Variants in ROBO2 observed in about 807,000 individuals in gnomAD.
ROBO2 encodes roundabout guidance receptor 2.
A neutral mutation model predicts 160.8 loss-of-function variants in ROBO2; 53 were observed. That is an observed-to-expected ratio of 0.33 (90% CI 0.26 to 0.41). ROBO2 has a LOEUF of 0.41. ROBO2 is among the 10% of genes least tolerant of loss of function. The probability of loss-of-function intolerance (pLI) is 1.00; values close to 1 mark genes in which losing one functional copy is unlikely to be tolerated. For missense variants in ROBO2, 1,577 were observed against 1,722.4 expected (o/e 0.92, Z 1.49); for synonymous variants, 664 against 611.7 (o/e 1.09, Z -1.26).
At chr3:76,538,595 T>C (rs1251857225) in intron 2 of ROBO2, among the ~76,000 whole-genome samples, 1 of 152,164 alleles carries the variant, frequency 6.6e-6, no homozygotes, top group East Asian at 1.9e-4. Flanking sequence ...CTTTTTCAAA[T>C]TTATTTTAGA....
intron 2 of ROBO2, among the ~76,000 whole-genome samples, chr3:76,767,680 C>A (rs1037128801): frequency 1.3e-5 from 2 of 151,466 alleles, no homozygotes; most frequent in African/African-American, 4.8e-5. Context: ...TAATGCTGTA[C>A]TCTTTTTTAT....
intron 9 of ROBO2, 49 bp downstream of exon 10, chr3:77,558,198 T>C (rs752349937): frequency 4.0e-5 from 59 of 1,484,988 alleles, no homozygotes; most frequent in Non-Finnish European, 5.5e-5. Flanking sequence ...ACATAAGTAC[T>C]GCTCTATGGA....
intron 2 of ROBO2, among the ~76,000 whole-genome samples, chr3:77,227,795 C>A (rs1298903510): frequency 1.3e-5 from 2 of 152,314 alleles, no homozygotes; most frequent in South Asian, 4.2e-4. Context: ...ATTGTTCTTT[C>A]AACTGCCTTA....
At chr3:76,900,463 TC>T in intron 2 of ROBO2, among the ~76,000 whole-genome samples, 1 of 152,236 alleles carries the variant, frequency 6.6e-6, no homozygotes, top group Middle Eastern at 3.4e-3. Flanking sequence ...TTGGGCCAAA[TC>T]AATAAAAGTA....
chr3:77,626,229 T>C (rs1583365144), intron 23 of ROBO2, among the ~76,000 whole-genome samples: 1 of 152,200 alleles, frequency 6.6e-6, no homozygotes, highest in Non-Finnish European at 1.5e-5. Context: ...CTCGAAACAT[T>C]AGTCCTTTTT....
rs78231846 is a variant in ROBO2 at position 77,307,103 on chromosome 3, G to A, written c.389-170311G>A. Among the ~76,000 whole-genome samples the A allele has an allele frequency of 4.0e-3, 611 of 152,192 alleles. 1 individual carries two copies. Among genetic ancestry groups the A allele is most frequent in the East Asian group, 0.013 (68 of 5,170 alleles). ...GCAGAACATAGCTGTCTGAGAAATA[G>A]GGCACTTTCTGGTGCTTGTGATATA... On this transcript the variant is annotated intron_variant, in intron 2 of 25. Coordinates refer to ENST00000461745, the Ensembl canonical transcript of ROBO2.
intron 2 of ROBO2, among the ~76,000 whole-genome samples, chr3:76,593,871 T>C (rs1287021210): frequency 2.0e-5 from 3 of 152,000 alleles, no homozygotes; most frequent in African/African-American, 7.2e-5. Context: ...GCTATTATAA[T>C]TTTTTAAATG....
At chr3:77,092,338 T>C (rs2070405719) in intron 1 of ROBO2, among the ~76,000 whole-genome samples, 1 of 151,784 alleles carries the variant, frequency 6.6e-6, no homozygotes, top group African/African-American at 2.4e-5. Context: ...TACTTGGTGC[T>C]CCATTCATTT....
intron 2 of ROBO2, among the ~76,000 whole-genome samples, chr3:76,422,569 T>C (rs2076039829): frequency 6.6e-6 from 1 of 152,194 alleles, no homozygotes; most frequent in Non-Finnish European, 1.5e-5. Flanking sequence ...TGCATCGTCT[T>C]TTTGGAAATG....
At chr3:76,532,044 G>C (rs2082257893) in intron 2 of ROBO2, among the ~76,000 whole-genome samples, 1 of 152,098 alleles carries the variant, frequency 6.6e-6, no homozygotes, top group Non-Finnish European at 1.5e-5. Context: ...TAAGTAGAAG[G>C]TACTGTTTCC....
intron 2 of ROBO2, among the ~76,000 whole-genome samples, chr3:76,786,139 T>C (rs2062957656): frequency 6.6e-6 from 1 of 151,336 alleles, no homozygotes; most frequent in Non-Finnish European, 1.5e-5. Flanking sequence ...TTCAAGGTTT[T>C]AATCACCTGT....
At chr3:76,795,976 T>C (rs2063665607) in intron 2 of ROBO2, among the ~76,000 whole-genome samples, 1 of 152,136 alleles carries the variant, frequency 6.6e-6, no homozygotes, top group Non-Finnish European at 1.5e-5. Context: ...TACATCTCCA[T>C]CAGAACTCTT....
chr3:76,267,465 T>G (rs1707167640), intron 2 of ROBO2, among the ~76,000 whole-genome samples: 1 of 152,206 alleles, frequency 6.6e-6, no homozygotes, highest in Non-Finnish European at 1.5e-5. Flanking sequence ...TTGCAGGTTT[T>G]AAATTTTAGT....
chr3:77,441,997 ATTAG>A (rs1306129481), intron 2 of ROBO2, among the ~76,000 whole-genome samples: 1 of 152,188 alleles, frequency 6.6e-6, no homozygotes, highest in Admixed American at 6.5e-5. Context: ...CTTCCTAAGT[ATTAG>A]TTAAAATGGA....
chr3:77,471,204 G>A (rs1021099056), intron 2 of ROBO2, among the ~76,000 whole-genome samples: 2 of 152,140 alleles, frequency 1.3e-5, no homozygotes, highest in African/African-American at 4.8e-5. Flanking sequence ...AATAAACTAA[G>A]ATGGAAATGA....
chr3:76,662,533 G>A (rs1379942885), intron 2 of ROBO2, among the ~76,000 whole-genome samples: 2 of 150,282 alleles, frequency 1.3e-5, no homozygotes, highest in African/African-American at 4.9e-5. Context: ...TTTTTTTTAA[G>A]AGAATAAAAA....
At chr3:76,324,074 T>A (rs1172080416) in intron 2 of ROBO2, among the ~76,000 whole-genome samples, 1 of 152,192 alleles carries the variant, frequency 6.6e-6, no homozygotes, top group Non-Finnish European at 1.5e-5. Context: ...GTTTTGGTAT[T>A]CTAGTAAGCC....
At chr3:77,217,334 G>A (rs999406802) in intron 2 of ROBO2, among the ~76,000 whole-genome samples, 1 of 151,992 alleles carries the variant, frequency 6.6e-6, no homozygotes, top group Admixed American at 6.6e-5. Context: ...GTAGAGATGG[G>A]GTTTCACCAT....
rs7635720 is a variant in ROBO2 at position 76,627,451 on chromosome 3, G to A, written c.110-470563G>A. Among the ~76,000 whole-genome samples, 552 of 152,292 alleles carry A rather than the reference G, an allele frequency of 3.6e-3. 4 individuals carry two copies. The highest frequency in any genetic ancestry group is 0.013 in the African/African-American group (534 of 41,576). On this transcript the variant is annotated intron_variant, in intron 2 of 26. Transcript: ENST00000487694. Reference sequence around the variant, plus strand: ...GTGCCCCCAGATAGGCATATTGTTCGCGTATGGAAGCAACTGGCTTTAGCA... The same window carrying A: ...GTGCCCCCAGATAGGCATATTGTTCACGTATGGAAGCAACTGGCTTTAGCA...
Sources: gnomAD v4.1 joint callset for allele counts (sites outside exome capture counted in the v4.1 genomes callset) on GRCh38, gnomAD v4.1.1 for gene constraint, MANE v1.5 for transcripts, NCBI Gene and HGNC (gene_info 2026-07-23, HGNC 2026-07-21) for gene names.